The following RSRC1 variants were observed in gnomAD, a reference collection of about 807,000 sequenced individuals.
RSRC1 encodes serine/Arginine-related protein 53.
In RSRC1, 39 loss-of-function variants were observed where a neutral mutation model predicts 49.1. That is an observed-to-expected ratio of 0.79 (90% CI 0.61 to 1.04). The LOEUF (loss-of-function observed/expected upper bound fraction) is 1.04, where lower values mean the gene tolerates loss of function less well. Among genes scored for constraint, RSRC1 ranks in the 50% least tolerant of loss-of-function variants. The probability of loss-of-function intolerance (pLI) is 0.00; values close to 1 mark genes in which losing one functional copy is unlikely to be tolerated. For missense variants in RSRC1, 388 were observed against 402.4 expected (o/e 0.96, Z 0.31); for synonymous variants, 143 against 130.8 (o/e 1.09, Z -0.63).
intron 5 of RSRC1, among the ~76,000 whole-genome samples, chr3:158,353,302 T>C (rs550133449): frequency 6.6e-6 from 1 of 152,318 alleles, no homozygotes; most frequent in Admixed American, 6.5e-5. Flanking sequence ...ACATCTCCCC[T>C]TTGTTTAAAA....
intron 4 of RSRC1, among the ~76,000 whole-genome samples, chr3:158,252,160 A>ATTTTTTT (rs34449906): frequency 1.4e-5 from 2 of 142,808 alleles, no homozygotes; most frequent in Admixed American, 7.0e-5. Flanking sequence ...ATGATGAATG[A>ATTTTTTT]TTTTTTTTTT....
intron 3 of RSRC1, among the ~76,000 whole-genome samples, chr3:158,145,089 C>G (rs1429777905): frequency 6.6e-6 from 1 of 152,130 alleles, no homozygotes; most frequent in South Asian, 2.1e-4. Flanking sequence ...GTTGCCTGTT[C>G]ACTCTGATGG....
At chr3:158,408,077 G>T (rs897019957) in intron 6 of RSRC1, among the ~76,000 whole-genome samples, 2 of 152,028 alleles carry the variant, frequency 1.3e-5, no homozygotes, top group East Asian at 1.9e-4. Context: ...GAGAGGTTGG[G>T]GTTGGTCAGG....
At chr3:158,256,250 A>G (rs1183133233) in intron 4 of RSRC1, among the ~76,000 whole-genome samples, 3 of 152,056 alleles carry the variant, frequency 2.0e-5, no homozygotes, top group Non-Finnish European at 4.4e-5. Flanking sequence ...TACCTAGTTT[A>G]TTGAGAGTTT....
At chr3:158,234,140 T>C (rs1458670796) in intron 4 of RSRC1, among the ~76,000 whole-genome samples, 6 of 152,186 alleles carry the variant, frequency 3.9e-5, no homozygotes, top group African/African-American at 1.4e-4. Context: ...GTCATATTGA[T>C]TATTCAAATT....
At chr3:158,492,677 A>G (rs1739137295) in intron 7 of RSRC1, among the ~76,000 whole-genome samples, 1 of 152,100 alleles carries the variant, frequency 6.6e-6, no homozygotes, top group Admixed American at 6.6e-5. Context: ...TTTACATTTT[A>G]TTTATCTTCT....
At chr3:158,192,360 G>C (rs1035894925) in intron 3 of RSRC1, among the ~76,000 whole-genome samples, 1 of 152,036 alleles carries the variant, frequency 6.6e-6, no homozygotes, top group East Asian at 1.9e-4. Flanking sequence ...TGAATTGCTC[G>C]TATGAAGATG....
At chr3:158,305,651 A>C (rs1727795943) in intron 5 of RSRC1, among the ~76,000 whole-genome samples, 1 of 152,074 alleles carries the variant, frequency 6.6e-6, no homozygotes. Flanking sequence ...CTGTTTCTCC[A>C]ATCAAGGTAT....
intron 3 of RSRC1, among the ~76,000 whole-genome samples, chr3:158,154,484 A>C (rs1333602606): frequency 7.6e-6 from 1 of 131,274 alleles, no homozygotes; most frequent in Non-Finnish European, 1.6e-5. Context: ...TTTTTTTTTG[A>C]GAGGGAGTCT....
intron 6 of RSRC1, among the ~76,000 whole-genome samples, chr3:158,443,324 G>A (rs566470554): frequency 7.9e-5 from 12 of 152,158 alleles, no homozygotes; most frequent in Non-Finnish European, 1.2e-4. Flanking sequence ...GTCATTTAGC[G>A]TAGCCGCCTT....
chr3:158,221,815 G>A (rs1169646350), intron 4 of RSRC1, among the ~76,000 whole-genome samples: 1 of 151,518 alleles, frequency 6.6e-6, no homozygotes, highest in African/African-American at 2.4e-5. Flanking sequence ...GTGTTTGCCA[G>A]TCCAGAGTCT....
intron 7 of RSRC1, among the ~76,000 whole-genome samples, chr3:158,474,715 T>C (rs1271689077): frequency 1.3e-5 from 2 of 152,202 alleles, no homozygotes; most frequent in Non-Finnish European, 2.9e-5. Context: ...CATTCAGTCA[T>C]ATCTTCAGGC....
intron 4 of RSRC1, among the ~76,000 whole-genome samples, chr3:158,227,984 G>A (rs895555314): frequency 2.0e-5 from 3 of 152,000 alleles, no homozygotes; most frequent in African/African-American, 7.2e-5. Flanking sequence ...AAAATGAGGT[G>A]CAAACCATTG....
chr3:158,296,764 T>C (rs1295017420), intron 4 of RSRC1, among the ~76,000 whole-genome samples: 1 of 152,028 alleles, frequency 6.6e-6, no homozygotes, highest in African/African-American at 2.4e-5. Flanking sequence ...AAACATTGAA[T>C]ATATAGTTTT....
intron 8 of RSRC1, among the ~76,000 whole-genome samples, chr3:158,538,558 T>C (rs1395929247): frequency 6.6e-6 from 1 of 151,998 alleles, no homozygotes; most frequent in Non-Finnish European, 1.5e-5. Context: ...GACTCTCTTA[T>C]GATAAACTAG....
chr3:158,495,163 G>A (rs1489151826), intron 7 of RSRC1, among the ~76,000 whole-genome samples: 6 of 152,138 alleles, frequency 3.9e-5, no homozygotes, highest in Non-Finnish European at 7.3e-5. Context: ...TGGAACCACC[G>A]TTGTGTATTT....
chr3:158,353,411 A>G (rs1481420686), intron 5 of RSRC1, among the ~76,000 whole-genome samples: 1 of 152,236 alleles, frequency 6.6e-6, no homozygotes, highest in Non-Finnish European at 1.5e-5. Context: ...CCTGCTACAA[A>G]TAATGAACTC....
intron 3 of RSRC1, among the ~76,000 whole-genome samples, chr3:158,148,044 C>T (rs1004720244): frequency 2.6e-5 from 4 of 152,054 alleles, no homozygotes; most frequent in African/African-American, 7.2e-5. Flanking sequence ...AGCACTGGTC[C>T]GTGGAACAAC....
At chr3:158,154,225 T>G (rs911238435) in intron 3 of RSRC1, among the ~76,000 whole-genome samples, 1 of 152,214 alleles carries the variant, frequency 6.6e-6, no homozygotes, top group Non-Finnish European at 1.5e-5. Flanking sequence ...AATACCTTAT[T>G]GCTTAAAAAT....
Sources: gnomAD v4.1 joint callset for allele counts (sites outside exome capture counted in the v4.1 genomes callset) on GRCh38, gnomAD v4.1.1 for gene constraint, MANE v1.5 for transcripts, NCBI Gene and HGNC (gene_info 2026-07-23, HGNC 2026-07-21) for gene names.